ITFG1: variants seen among roughly 807,000 people sequenced by gnomAD.
The protein encoded by ITFG1 is integrin alpha FG-GAP repeat containing 1, also known as T-cell immunomodulatory protein.
ITFG1 carries 34 observed loss-of-function variants against 81.8 expected under a neutral mutation model. The ratio of observed to expected loss-of-function variants is 0.42; its 90% CI spans 0.32 to 0.55. The LOEUF (loss-of-function observed/expected upper bound fraction) is 0.55. Ranked by LOEUF, ITFG1 falls within the 20% of genes least tolerant of loss-of-function variation. ITFG1 has a pLI of 0.17. For missense variants in ITFG1, 672 were observed against 755.4 expected, an observed-to-expected ratio of 0.89 and a Z score of 1.29; for synonymous variants, 285 against 270.6, an observed-to-expected ratio of 1.05 and a Z score of -0.52.
At chr16:47,210,755 G>A (rs1272387025) in intron 14 of ITFG1, among the ~76,000 whole-genome samples, 2 of 152,044 alleles carry the variant, frequency 1.3e-5, no homozygotes, top group Non-Finnish European at 1.5e-5. Flanking sequence ...AAATGAGGTA[G>A]GCATGTTTGT....
At chr16:47,286,604 C>T (rs1966870524) in intron 10 of ITFG1, among the ~76,000 whole-genome samples, 1 of 151,536 alleles carries the variant, frequency 6.6e-6, no homozygotes, top group Admixed American at 6.6e-5. Flanking sequence ...CATACCATTG[C>T]ACTCCAGCCT....
At chr16:47,176,402 G>T (rs913163686) in intron 14 of ITFG1, among the ~76,000 whole-genome samples, 2 of 152,120 alleles carry the variant, frequency 1.3e-5, no homozygotes, top group Non-Finnish European at 2.9e-5. Context: ...TTTGGAGAAC[G>T]GCAAGCTGGA....
chr16:47,369,186 C>T (rs935487990), intron 7 of ITFG1, among the ~76,000 whole-genome samples: 5 of 152,206 alleles, frequency 3.3e-5, no homozygotes, highest in Admixed American at 6.5e-5. Context: ...TGAAGCTGCT[C>T]GGTAGCTATT....
intron 6 of ITFG1, among the ~76,000 whole-genome samples, chr16:47,392,346 G>A (rs1968542786): frequency 6.6e-6 from 1 of 152,200 alleles, no homozygotes; most frequent in African/African-American, 2.4e-5. Context: ...TCTGGGGGAA[G>A]AGCGTCCTGC....
intron 10 of ITFG1, among the ~76,000 whole-genome samples, chr16:47,277,891 T>G (rs1966414671): frequency 6.6e-6 from 1 of 152,218 alleles, no homozygotes; most frequent in South Asian, 2.1e-4. Context: ...CTATTATATT[T>G]GGGAGAGACA....
intron 5 of ITFG1, chr16:47,450,469 AG>A: frequency 2.5e-6 from 1 of 398,484 alleles, no homozygotes; most frequent in Non-Finnish European, 4.9e-6. Flanking sequence ...AACCAGAAAA[AG>A]TAATAGGAAA....
chr16:47,202,452 A>T (rs529392573), intron 14 of ITFG1: 54 of 152,294 alleles, frequency 3.5e-4, no homozygotes, highest in African/African-American at 1.2e-3. Flanking sequence ...CCTTCTCATA[A>T]TTTTAAAAAT....
At chr16:47,337,740 G>T (rs147930982) in intron 8 of ITFG1, among the ~76,000 whole-genome samples, 6 of 152,238 alleles carry the variant, frequency 3.9e-5, no homozygotes, top group South Asian at 2.1e-4. Context: ...GAGATGCAGT[G>T]GGGGAGGGTT....
chr16:47,391,519 T>C (rs1968531098), intron 6 of ITFG1, among the ~76,000 whole-genome samples: 1 of 152,172 alleles, frequency 6.6e-6, no homozygotes, highest in Non-Finnish European at 1.5e-5. Flanking sequence ...GCCTAACAAC[T>C]CTTGGGATCT....
At chr16:47,183,696 G>A (rs969564562) in intron 14 of ITFG1, among the ~76,000 whole-genome samples, 5 of 152,184 alleles carry the variant, frequency 3.3e-5, no homozygotes, top group African/African-American at 9.7e-5. Flanking sequence ...AAAAAACAGA[G>A]CAGAAAAACT....
chr16:47,397,579 G>C lies in ITFG1; in HGVS notation c.656-21639C>G, dbSNP rs148840729. ...TGGACAATGTCTAAAGACATTTTTG[G>C]TTGCTACAGGTATTCAGATAGTAGA... is the stretch of plus-strand genomic sequence containing the variant. On this transcript the variant is annotated intron_variant, in intron 6 of 17. Transcript: ENST00000320640. Among the ~76,000 whole-genome samples the C allele has an allele frequency of 5.3e-5, 8 of 152,254 alleles. No homozygotes were observed. The East Asian group carries it at 1.5e-3, about 29-fold the overall frequency.
intron 10 of ITFG1, among the ~76,000 whole-genome samples, chr16:47,301,366 T>A (rs1328504890): frequency 6.6e-6 from 1 of 152,076 alleles, no homozygotes; most frequent in East Asian, 1.9e-4. Flanking sequence ...ATTTCAAAAC[T>A]GGCAGTATTT....
chr16:47,419,956 T>C (rs1045009921), intron 6 of ITFG1, among the ~76,000 whole-genome samples: 15 of 146,808 alleles, frequency 1.0e-4, no homozygotes, highest in Non-Finnish European at 1.7e-4. Context: ...TATCTTCTCT[T>C]TTTTTTTTTT....
chr16:47,371,344 T>C (rs1303462353), intron 7 of ITFG1, among the ~76,000 whole-genome samples: 1 of 152,234 alleles, frequency 6.6e-6, no homozygotes, highest in African/African-American at 2.4e-5. Context: ...GTATAGTGCC[T>C]AGCACACAGC....
intron 10 of ITFG1, among the ~76,000 whole-genome samples, chr16:47,279,562 G>A (rs772199853): frequency 6.6e-6 from 1 of 151,988 alleles, no homozygotes; most frequent in South Asian, 2.1e-4. Flanking sequence ...CTTAACTTAG[G>A]GAGTGTGATT....
At chr16:47,405,872 C>T (rs1238438898) in intron 6 of ITFG1, among the ~76,000 whole-genome samples, 3 of 152,050 alleles carry the variant, frequency 2.0e-5, no homozygotes, top group African/African-American at 4.8e-5. Context: ...TGGATTAAGT[C>T]CTGGTTCTAA....
chr16:47,315,768 C>CATATATATATATATATATAT (rs546244760), intron 8 of ITFG1, among the ~76,000 whole-genome samples: 3,665 of 144,292 alleles, frequency 0.025, 108 homozygotes, highest in African/African-American at 0.061. Context: ...TTCTAAATGC[C>CATATATATATATATATATAT]ATATATATAT....
intron 6 of ITFG1, among the ~76,000 whole-genome samples, chr16:47,409,704 A>G (rs909458194): frequency 2.0e-5 from 3 of 151,316 alleles, no homozygotes; most frequent in Non-Finnish European, 4.4e-5. Context: ...GGCGTGAGCC[A>G]CTGCACCTGA....
chr16:47,214,897 T>A (rs1965605945), intron 14 of ITFG1, among the ~76,000 whole-genome samples: 1 of 150,040 alleles, frequency 6.7e-6, no homozygotes, highest in Non-Finnish European at 1.5e-5. Context: ...AAAAACTACA[T>A]CCTATGTTAT....
Sources: allele counts gnomAD v4.1 joint callset (sites outside exome capture counted in the v4.1 genomes callset), GRCh38; gene constraint gnomAD v4.1.1; transcripts MANE v1.5; gene names NCBI Gene and HGNC (gene_info 2026-07-23, HGNC 2026-07-21).